RAD51B: variants seen among roughly 807,000 people sequenced by gnomAD.
RAD51B encodes RAD51 paralog B.
Under a neutral mutation model 42.2 loss-of-function variants are expected in RAD51B, and 38 were observed. That is an observed-to-expected ratio of 0.90 (90% CI 0.70 to 1.18). The LOEUF is 1.18. RAD51B is among the 50% of genes most tolerant of loss of function. The pLI is 0.00. For synonymous variants in RAD51B, 154 were observed against 145.2 expected (o/e 1.06, Z -0.43); for missense variants, 373 against 400.7 (o/e 0.93, Z 0.59).
At chr14:68,362,923 ATGAG>A (rs1271802273) in intron 8 of RAD51B, among the ~76,000 whole-genome samples, 1 of 152,148 alleles carries the variant, frequency 6.6e-6, no homozygotes, top group Non-Finnish European at 1.5e-5. Context: ...TCTAGTTTGA[ATGAG>A]TGTGTTTGTG....
At chr14:68,082,333 G>A (rs1331817613) in intron 7 of RAD51B, among the ~76,000 whole-genome samples, 1 of 152,116 alleles carries the variant, frequency 6.6e-6, no homozygotes. Context: ...CAGAATTTCA[G>A]AGGTTACAGA....
intron 7 of RAD51B, among the ~76,000 whole-genome samples, chr14:67,943,262 G>A (rs932189633): frequency 2.0e-5 from 3 of 152,052 alleles, no homozygotes; most frequent in African/African-American, 4.8e-5. Flanking sequence ...TAAGTTACAG[G>A]GCTTGTACTA....
chr14:68,423,253 T>C (rs1181662578), intron 9 of RAD51B, among the ~76,000 whole-genome samples: 1 of 152,192 alleles, frequency 6.6e-6, no homozygotes, highest in Non-Finnish European at 1.5e-5. Flanking sequence ...GGCTCATCTT[T>C]ACAAACCTTA....
intron 7 of RAD51B, among the ~76,000 whole-genome samples, chr14:67,907,056 A>T (rs1022966109): frequency 2.6e-5 from 4 of 152,072 alleles, no homozygotes; most frequent in Non-Finnish European, 5.9e-5. Flanking sequence ...TGATCTGCCC[A>T]TCTTGGCCTC....
At chr14:67,833,890 G>A (rs1160043972) in intron 3 of RAD51B, among the ~76,000 whole-genome samples, 1 of 152,146 alleles carries the variant, frequency 6.6e-6, no homozygotes, top group African/African-American at 2.4e-5. Flanking sequence ...TGACTGTAAC[G>A]TCTTCCTGAC....
At chr14:68,132,238 G>A (rs1007678137) in intron 7 of RAD51B, among the ~76,000 whole-genome samples, 1 of 152,166 alleles carries the variant, frequency 6.6e-6, no homozygotes, top group South Asian at 2.1e-4. Flanking sequence ...TGCATTCAGT[G>A]GGGTAGAGGT....
At chr14:68,079,486 G>T (rs2076882066) in intron 7 of RAD51B, among the ~76,000 whole-genome samples, 1 of 152,120 alleles carries the variant, frequency 6.6e-6, no homozygotes, top group Non-Finnish European at 1.5e-5. Context: ...TGATATATTT[G>T]AGAAAGCAGA....
intron 4 of RAD51B, among the ~76,000 whole-genome samples, chr14:67,842,405 G>A (rs1247316677): frequency 6.6e-6 from 1 of 152,084 alleles, no homozygotes; most frequent in African/African-American, 2.4e-5. Flanking sequence ...TTGAGATGGA[G>A]TCTCACTCTG....
intron 11 of RAD51B, among the ~76,000 whole-genome samples, chr14:68,654,757 T>C (rs775236575): frequency 5.3e-5 from 8 of 152,252 alleles, no homozygotes; most frequent in Non-Finnish European, 7.4e-5. Flanking sequence ...CTTCAAAACT[T>C]GCCTGCAAGT....
At chr14:68,256,561 GAA>G (rs1419427863) in intron 7 of RAD51B, among the ~76,000 whole-genome samples, 2 of 152,120 alleles carry the variant, frequency 1.3e-5, no homozygotes, top group Non-Finnish European at 2.9e-5. Flanking sequence ...TGCTCTCAGC[GAA>G]AGAGGCCTGA....
chr14:68,678,885 A>T (rs990805113), intron 11 of RAD51B, among the ~76,000 whole-genome samples: 4 of 152,036 alleles, frequency 2.6e-5, no homozygotes, highest in African/African-American at 9.7e-5. Context: ...CGAAATTTTA[A>T]TTCTTCCCCT....
In RAD51B at chr14:68,109,109, T is replaced by C. The variant is rs577899310; in HGVS notation, c.757-182775T>C. Among the ~76,000 whole-genome samples the C allele has an allele frequency of 2.6e-5, 4 of 152,138 alleles. No homozygotes were observed. The East Asian group carries it at 7.7e-4, about 29-fold the overall frequency. On this transcript the variant is annotated intron_variant, in intron 7 of 10. Transcript: ENST00000471583. ...CAAGAGTGGCATATTGTTGTAATTA[T>C]ATCATTAAAAAATGTGTTTATTTTC...
chr14:68,004,883 G>A (rs574145100), intron 7 of RAD51B, among the ~76,000 whole-genome samples: 3 of 151,816 alleles, frequency 2.0e-5, no homozygotes, highest in East Asian at 1.9e-4. Context: ...TTGGTATATG[G>A]CCTTTTTCAC....
intron 11 of RAD51B, among the ~76,000 whole-genome samples, chr14:68,659,612 G>A (rs1259561838): frequency 6.6e-6 from 1 of 152,164 alleles, no homozygotes; most frequent in Non-Finnish European, 1.5e-5. Flanking sequence ...ACTGCACCGG[G>A]GCAAGCCAAG....
At chr14:68,005,118 A>G (rs2075563186) in intron 7 of RAD51B, among the ~76,000 whole-genome samples, 1 of 132,108 alleles carries the variant, frequency 7.6e-6, no homozygotes, top group African/African-American at 3.0e-5. Flanking sequence ...GCAATGGCAG[A>G]TCTCAGCTCA....
chr14:68,090,997 C>T (rs1382481197), intron 7 of RAD51B, among the ~76,000 whole-genome samples: 1 of 151,798 alleles, frequency 6.6e-6, no homozygotes, highest in African/African-American at 2.4e-5. Flanking sequence ...TGATGGTTTC[C>T]AGCTTCATCC....
intron 10 of RAD51B, among the ~76,000 whole-genome samples, chr14:68,561,811 A>G (rs1889164323): frequency 6.6e-6 from 1 of 152,206 alleles, no homozygotes; most frequent in South Asian, 2.1e-4. Context: ...GTGAATGAAC[A>G]TACCGGCTTT....
At chr14:67,949,758 A>C (rs2074408485) in intron 7 of RAD51B, among the ~76,000 whole-genome samples, 1 of 152,218 alleles carries the variant, frequency 6.6e-6, no homozygotes, top group African/African-American at 2.4e-5. Flanking sequence ...GTGAAACTTG[A>C]AAGTTGAAAT....
chr14:67,924,553 A>G (rs1257460162), intron 7 of RAD51B, among the ~76,000 whole-genome samples: 67 of 152,198 alleles, frequency 4.4e-4, no homozygotes, highest in Non-Finnish European at 2.9e-5. Context: ...AGAGCAAGTC[A>G]TGTCTTACAT....
Sources: gnomAD v4.1 joint callset for allele counts (sites outside exome capture counted in the v4.1 genomes callset) on GRCh38, gnomAD v4.1.1 for gene constraint, MANE v1.5 for transcripts, NCBI Gene and HGNC (gene_info 2026-07-23, HGNC 2026-07-21) for gene names.